PKD1L3: variants seen among roughly 807,000 people sequenced by gnomAD.
PKD1L3 encodes polycystin 1 like 3, transient receptor potential channel interacting, also known as polycystin-1-like protein 3.
A neutral mutation model predicts 184.1 loss-of-function variants in PKD1L3; 239 were observed. The ratio of observed to expected loss-of-function variants is 1.30; its 90% CI spans 1.17 to 1.45. The LOEUF is 1.45. Ranked by LOEUF, PKD1L3 falls within the 40% of genes most tolerant of loss-of-function variation. The probability of loss-of-function intolerance (pLI) is 0.00; values close to 1 mark genes in which losing one functional copy is unlikely to be tolerated. For synonymous variants in PKD1L3, 996 were observed against 778.8 expected (o/e 1.28, Z -4.64); for missense variants, 2,660 against 2,067.2 (o/e 1.29, Z -5.56).
At chr16:71,987,091 A>T (rs1476662668) in intron 4 of PKD1L3, among the ~76,000 whole-genome samples, 1 of 137,918 alleles carries the variant, frequency 7.3e-6, no homozygotes, top group Admixed American at 7.3e-5. Context: ...TGCCCGGCTA[A>T]TTTTTGTATT....
intron 4 of PKD1L3, among the ~76,000 whole-genome samples, chr16:71,986,967 C>T (rs1333561920): frequency 7.7e-6 from 1 of 130,568 alleles, no homozygotes; most frequent in Non-Finnish European, 1.5e-5. Context: ...CTCTGTCTCC[C>T]AGGCTGGAGT....
rs921537263 is a variant in PKD1L3 at position 71,953,094 on chromosome 16, C to A, written c.2810-1G>T. The stretch of plus-strand genomic sequence containing the variant: ...GACCAGGCCACAGCAAATGGACGCA[C>A]TGAAAGAAAAGCATGACATCAACTT... On this transcript the variant is annotated splice_acceptor_variant, in intron 17 of 29. Transcript: ENST00000620267. LOFTEE classifies it high-confidence loss of function. 11 of 1,446,664 alleles carry A rather than the reference C, an allele frequency of 7.6e-6. No homozygotes were observed. The African/African-American group carries it at 1.2e-4, about 16-fold the overall frequency. 89.6% of individuals were successfully genotyped at this position (1,446,664 alleles called of 1,614,324 possible).
rs557800183 is a variant in PKD1L3 at position 71,974,327 on chromosome 16, G to A, written c.1760-810C>T. On this transcript the variant is annotated intron_variant, in intron 11 of 29. Transcript: ENST00000620267. ...CAAATAGTCCTGTCTCTCAAAAAAA[G>A]GTTCCTGAAGGCCCCTTCCGGCTCT... is the stretch of plus-strand genomic sequence containing the variant. 4.3e-4 allele frequency among the ~76,000 whole-genome samples: 66 copies of A among 152,228 alleles called. 1 individual carries two copies. Among genetic ancestry groups the A allele is most frequent in the African/African-American group, 1.4e-3 (57 of 41,534 alleles).
At chr16:71,971,767 C>A (rs2039719183) in intron 12 of PKD1L3, among the ~76,000 whole-genome samples, 1 of 152,146 alleles carries the variant, frequency 6.6e-6, no homozygotes. Context: ...GCTATGACTG[C>A]CTGAGGCTAT....
Position 71,950,247 on chromosome 16 carries a change from G to C in PKD1L3, c.3254C>G (p.Ser1085Cys). 3 of 1,551,996 alleles carry C rather than the reference G, an allele frequency of 1.9e-6. No homozygotes were observed. Among genetic ancestry groups the C allele is most frequent in the Non-Finnish European group, 2.6e-6 (3 of 1,147,056 alleles). ...YLHRVLQRLK[S>C]HLGTLGLTQG... Reference sequence around the variant, plus strand: ...GGTGAGACCCAGCGTGCCTAAGTGAGATTTCAGCCTCTGCAGAACTCTATG... The same window carrying C: ...GGTGAGACCCAGCGTGCCTAAGTGACATTTCAGCCTCTGCAGAACTCTATG... The change falls in exon 20 of 30, where the codon TCT becomes TGT. Residue 1085 changes from serine (S) to cysteine (C), a missense_variant. Transcript: ENST00000620267.
chr16:71,934,014 G>A lies in PKD1L3; in HGVS notation c.4725C>T (p.Pro1575=). The stretch of plus-strand genomic sequence containing the variant: ...GTGTCCTGCTGATGACCCGCAGCCT[G>A]GGGCTATGACGCAGCAGGTTCCATA... ...VQLWNLLRHS[P]RLRVISRTLS... The change falls in exon 27 of 30, where the codon CCC becomes CCT. Residue 1575 remains proline, a synonymous_variant. Coordinates refer to ENST00000620267, the MANE Select transcript of PKD1L3 (RefSeq NM_181536.2). 6.4e-7 allele frequency: 1 copy of A among 1,551,732 alleles called. No homozygotes were observed. The highest frequency in any genetic ancestry group is 1.4e-5 in the African/African-American group (1 of 73,132).
At position 71,949,868 on chromosome 16, in the gene PKD1L3, T is replaced by TC. The variant is rs754344444; in HGVS notation, c.3532dup (p.Glu1178GlyfsTer48). On this transcript the variant is annotated frameshift_variant, in exon 21 of 30. Transcript: ENST00000620267. LOFTEE classifies it high-confidence loss of function. Reference sequence around the variant, plus strand: ...GCTGGTGGCTTGGTCTTTGCTCAATTCCAAGCTATAAAGTGCTGTAAAAAA... The same window carrying TC: ...GCTGGTGGCTTGGTCTTTGCTCAATTCCCAAGCTATAAAGTGCTGTAAAAAA... The TC allele has an allele frequency of 5.2e-6, 8 of 1,551,458 alleles. No homozygotes were observed. The South Asian group carries it at 8.3e-5, about 16-fold the overall frequency.
intron 6 of PKD1L3, among the ~76,000 whole-genome samples, chr16:71,983,662 T>C (rs2040246563): frequency 2.2e-5 from 2 of 92,542 alleles, no homozygotes; most frequent in Admixed American, 1.0e-4. Context: ...AGATTCTCTT[T>C]CTTTTTTTTT....
intron 15 of PKD1L3, among the ~76,000 whole-genome samples, chr16:71,965,991 G>A (rs1395664195): frequency 1.3e-5 from 2 of 151,944 alleles, no homozygotes; most frequent in Non-Finnish European, 2.9e-5. Context: ...AAACTGGAAG[G>A]ATGGTTTACA....
chr16:71,964,049 TCTCCGCTTCACAGGC>T (rs781082352), intron 15 of PKD1L3, among the ~76,000 whole-genome samples: 2 of 152,140 alleles, frequency 1.3e-5, no homozygotes, highest in Non-Finnish European at 2.9e-5. Flanking sequence ...CTTAGTCTCA[TCTCCGCTTCACAGGC>T]CTCATCTCCA....
intron 24 of PKD1L3, among the ~76,000 whole-genome samples, chr16:71,938,862 C>T (rs2038268870): frequency 6.6e-6 from 1 of 152,236 alleles, no homozygotes; most frequent in South Asian, 2.1e-4. Flanking sequence ...CAGTGTACCT[C>T]ATTCTTCCTG....
intron 2 of PKD1L3, among the ~76,000 whole-genome samples, chr16:71,995,160 A>C (rs916452857): frequency 3.9e-5 from 6 of 152,100 alleles, no homozygotes; most frequent in African/African-American, 1.4e-4. Context: ...AGTTGGGGGA[A>C]GGCTGCAACC....
At chr16:71,983,892 G>A in intron 6 of PKD1L3, 144 bp downstream of exon 6, 1 of 1,141,612 alleles carries the variant, frequency 8.8e-7, no homozygotes, top group Non-Finnish European at 1.2e-6. Flanking sequence ...TGAACTCCTG[G>A]CCTCATGTGA....
intron 22 of PKD1L3, among the ~76,000 whole-genome samples, chr16:71,945,224 A>G (rs1204619145): frequency 2.1e-5 from 3 of 143,104 alleles, no homozygotes; most frequent in African/African-American, 7.7e-5. Context: ...TTTTATTAAA[A>G]TATGGATTCT....
intron 4 of PKD1L3, among the ~76,000 whole-genome samples, chr16:71,987,555 T>C (rs2040422084): frequency 6.6e-6 from 1 of 152,026 alleles, no homozygotes; most frequent in African/African-American, 2.4e-5. Flanking sequence ...GTATTTTTAG[T>C]AGAGACAGGG....
intron 3 of PKD1L3, among the ~76,000 whole-genome samples, chr16:71,992,649 T>C (rs777976935): frequency 6.6e-6 from 1 of 152,234 alleles, no homozygotes; most frequent in African/African-American, 2.4e-5. Context: ...TCTTTAAATA[T>C]ATATTCATGT....
At chr16:71,997,018 C>T (rs2040810457) in intron 2 of PKD1L3, among the ~76,000 whole-genome samples, 1 of 145,022 alleles carries the variant, frequency 6.9e-6, no homozygotes, top group African/African-American at 2.6e-5. Flanking sequence ...AAGAATGAGA[C>T]TGAGGGAGGC....
chr16:71,966,490 C>T (rs541447520), intron 15 of PKD1L3, among the ~76,000 whole-genome samples: 6 of 149,930 alleles, frequency 4.0e-5, no homozygotes, highest in African/African-American at 1.5e-4. Flanking sequence ...TGCAGTGGTG[C>T]AGACATGCTC....
In PKD1L3 at chr16:71,937,416, G is replaced by A; in HGVS notation, c.4328C>T (p.Ala1443Val). ...ENGFSYIMRG[A>V]FFTSLRLESF... ...TTCCAGTCTCAAAGAGGTGAAGAAA[G>A]CACCTGAGAATAACAAAGAACACCT... is the stretch of plus-strand genomic sequence containing the variant. Residue 1443 changes from alanine to valine, a missense_variant, in exon 25 of 30, where the codon GCT (alanine) becomes GTT (valine). Coordinates refer to ENST00000620267, the MANE Select transcript of PKD1L3 (RefSeq NM_181536.2). 2 of 1,550,988 alleles carry A rather than the reference G, an allele frequency of 1.3e-6. No homozygotes were observed. The highest frequency in any genetic ancestry group is 1.2e-5 in the South Asian group (1 of 83,928).
Sources: gnomAD v4.1 joint callset for allele counts (sites outside exome capture counted in the v4.1 genomes callset) on GRCh38, gnomAD v4.1.1 for gene constraint, MANE v1.5 for transcripts, NCBI Gene and HGNC (gene_info 2026-07-23, HGNC 2026-07-21) for gene names.